The following TRIM41 variants were observed in gnomAD, a reference collection of about 807,000 sequenced individuals.
TRIM41 encodes the protein tripartite motif containing 41.
TRIM41 carries 21 observed loss-of-function variants against 60.6 expected under a neutral mutation model. The ratio of observed to expected loss-of-function variants is 0.35; its 90% confidence interval spans 0.25 to 0.50. The LOEUF is 0.50. Ranked by LOEUF, TRIM41 falls within the 20% of genes least tolerant of loss-of-function variation. TRIM41 has a pLI of 0.98. For missense variants in TRIM41, 846 were observed against 868.3 expected, an observed-to-expected ratio of 0.97 and a Z score of 0.32; for synonymous variants, 407 against 344.9, an observed-to-expected ratio of 1.18 and a Z score of -2.00.
Position 181,233,171 on chromosome 5 carries a change from G to C in TRIM41, c.1141-242G>C, listed in dbSNP as rs182050690. 19 of 713,774 alleles carry C rather than the reference G, an allele frequency of 2.7e-5. No individual in the cohort carries two copies. The East Asian group carries it at 4.6e-4, about 17-fold the overall frequency. 44.2% of individuals were successfully genotyped at this position (713,774 alleles called of 1,614,324 possible). A position where few individuals can be genotyped will look rare whatever the true frequency, so the allele number is the denominator to read the frequency against. On this transcript the variant is annotated intron_variant, in intron 3 of 5. Transcript: ENST00000315073. The surrounding 1 kb of genome is among the most constrained non-coding windows in gnomAD (Gnocchi z 4.1). ...GACAGTGACATCCTGAAAAAGGTGA[G>C]CAAGTCGTATTGTGGAAATGACAGT...
chr5:181,231,205 C>T, intron 2 of TRIM41: 1 of 281,934 alleles, frequency 3.5e-6, no homozygotes. Context: ...CTGGGCAGAG[C>T]AGCCCTAAGC....
At chr5:181,228,727 G>A (rs1758660077) in intron 1 of TRIM41, 1 of 151,046 alleles carries the variant, frequency 6.6e-6, no homozygotes, top group Admixed American at 6.6e-5. Flanking sequence ...TTGAGGGCAG[G>A]AGTTAAGACC....
chr5:181,223,355 G>T lies in TRIM41; in HGVS notation c.-645G>T. On this transcript the variant is annotated 5_prime_UTR_variant, in exon 1 of 6. The change abolishes an upstream ATG in the 5' untranslated region. Transcript: ENST00000315073. ...GAGGGTAGGATGGCGTCTGGCCGAT[G>T]CGGTGATAGCACCGAAAGCAGACGG... 1 of 399,920 alleles carries T rather than the reference G, an allele frequency of 2.5e-6. No homozygotes were observed. The highest frequency in any genetic ancestry group is 4.4e-6 in the Non-Finnish European group (1 of 227,000). 24.8% of individuals were successfully genotyped at this position (399,920 alleles called of 1,614,324 possible).
In TRIM41 at chr5:181,234,164, C is replaced by G; in HGVS notation, c.1292-10C>G. ...CAGCCCTGGCGTATTTGTCCTCCCTCCCTCCCAAGTGGACCTGACGCTGGA... is the reference window on the plus strand; with the variant it reads ...CAGCCCTGGCGTATTTGTCCTCCCTGCCTCCCAAGTGGACCTGACGCTGGA... On this transcript the variant is annotated splice_polypyrimidine_tract_variant and intron_variant, in intron 5 of 5. Coordinates refer to ENST00000315073, the MANE Select transcript of TRIM41 (RefSeq NM_033549.5). This position sits in a 1 kb window ranked among gnomAD's most constrained non-coding sequence, Gnocchi z 5.6. 5 of 1,608,236 alleles carry G rather than the reference C, an allele frequency of 3.1e-6. No individual in the cohort carries two copies. Among genetic ancestry groups the G allele is most frequent in the South Asian group, 1.1e-5 (1 of 91,080 alleles).
At chr5:181,230,935 G>A (rs1265654619) in intron 2 of TRIM41, 96 bp downstream of exon 2, 7 of 1,093,714 alleles carry the variant, frequency 6.4e-6, no homozygotes, top group Non-Finnish European at 9.8e-6. Flanking sequence ...GGTCCCCTGA[G>A]GAGGGGACAG....
At chr5:181,231,516 C>A in intron 2 of TRIM41, 1 of 153,110 alleles carries the variant, frequency 6.5e-6, no homozygotes, top group Non-Finnish European at 1.5e-5. Context: ...AAGCCAGGAC[C>A]TCCCCTTCTG....
At position 181,233,764 on chromosome 5, in the gene TRIM41, G is replaced by T; in HGVS notation, c.1291+1G>T. 1 of 1,614,218 alleles carries T rather than the reference G, an allele frequency of 6.2e-7. No individual in the cohort carries two copies. Among genetic ancestry groups the T allele is most frequent in the East Asian group, 2.2e-5 (1 of 44,878 alleles). On this transcript the variant is annotated splice_donor_variant, in intron 5 of 5. Transcript: ENST00000315073. LOFTEE classifies it high-confidence loss of function. The surrounding 1 kb of genome is among the most constrained non-coding windows in gnomAD (Gnocchi z 4.1). ...CGGATGTTCTGTCAGGCTGCGAGAG[G>T]TAGGGAGGTCACCTCCACGACCTTC...
chr5:181,223,295 C>T lies in TRIM41; in HGVS notation c.-705C>T, dbSNP rs1339790494. The stretch of plus-strand genomic sequence containing the variant: ...CCCACCCCCTCGCTTCCGGCATCGG[C>T]TGTGGGGAGTACCGGCTGCAGTCGG... On this transcript the variant is annotated 5_prime_UTR_variant, in exon 1 of 6. Coordinates refer to ENST00000315073, the MANE Select transcript of TRIM41 (RefSeq NM_033549.5). 1 of 399,020 alleles carries T rather than the reference C, an allele frequency of 2.5e-6. No homozygotes were observed. Among genetic ancestry groups the T allele is most frequent in the Non-Finnish European group, 4.4e-6 (1 of 226,442 alleles). The allele number at this position is 399,020 out of a possible 1,614,324, so 24.7% of individuals were successfully genotyped here.
At position 181,235,125 on chromosome 5, in the gene TRIM41, T is replaced by TC. The variant is rs1759038797; in HGVS notation, c.*354dup. On this transcript the variant is annotated 3_prime_UTR_variant, in exon 6 of 6. Coordinates refer to ENST00000315073, the MANE Select transcript of TRIM41 (RefSeq NM_033549.5). ...GTAATTTCATTCCTTAACTTCCTTT[T>TC]CCCCACCCCTGCTCTTCAACCTCTT... 2.5e-6 allele frequency: 4 copies of TC among 1,575,814 alleles called. No homozygotes were observed. The South Asian group carries it at 4.6e-5, about 18-fold the overall frequency.
Position 181,233,735 on chromosome 5 carries a change from G to A in TRIM41, c.1263G>A (p.Met421Ile). The A allele has an allele frequency of 6.2e-7, 1 of 1,614,184 alleles. No homozygotes were observed. Among genetic ancestry groups the A allele is most frequent in the Non-Finnish European group, 8.5e-7 (1 of 1,180,038 alleles). The change falls in exon 5 of 6, where the codon ATG becomes ATA. Residue 421 changes from methionine (M) to isoleucine (I), a missense_variant. By Grantham distance (10) the Met-to-Ile change is conservative. Transcript: ENST00000315073. The surrounding 1 kb of genome is among the most constrained non-coding windows in gnomAD (Gnocchi z 4.1). ...DFLTDAIVRK[M>I]SRMFCQAARV... ...TGACAGATGCCATCGTGAGGAAAAT[G>A]AGCCGGATGTTCTGTCAGGCTGCGA...
At chr5:181,226,502 T>A (rs1410728353) in intron 1 of TRIM41, 1 of 152,158 alleles carries the variant, frequency 6.6e-6, no homozygotes, top group African/African-American at 2.4e-5. Flanking sequence ...AATCAGTGAG[T>A]AGGAGAATAT....
Position 181,230,732 on chromosome 5 carries a change from C to A in TRIM41, c.814-12C>A. The stretch of plus-strand genomic sequence containing the variant: ...TCTCCCAGCCCCCACTTTTCTTTTT[C>A]TGTTTCCTCAGGCCAAACTGCAGGG... On this transcript the variant is annotated splice_polypyrimidine_tract_variant and intron_variant, in intron 1 of 5. Coordinates refer to ENST00000315073, the MANE Select transcript of TRIM41 (RefSeq NM_033549.5). The A allele has an allele frequency of 6.2e-7, 1 of 1,611,486 alleles. No homozygotes were observed.
chr5:181,233,769 G>A lies in TRIM41; in HGVS notation c.1291+6G>A, dbSNP rs780459918. 2 of 1,614,080 alleles carry A rather than the reference G, an allele frequency of 1.2e-6. No homozygotes were observed. The highest frequency in any genetic ancestry group is 4.5e-5 in the East Asian group (2 of 44,888). ...GTTCTGTCAGGCTGCGAGAGGTAGG[G>A]AGGTCACCTCCACGACCTTCCTTTG... is the stretch of plus-strand genomic sequence containing the variant. On this transcript the variant is annotated splice_donor_region_variant and intron_variant, in intron 5 of 5. Coordinates refer to ENST00000315073, the MANE Select transcript of TRIM41 (RefSeq NM_033549.5). The surrounding 1 kb of genome is among the most constrained non-coding windows in gnomAD (Gnocchi z 4.1).
Position 181,233,738 on chromosome 5 carries a change from C to T in TRIM41, c.1266C>T (p.Ser422=). ...CAGATGCCATCGTGAGGAAAATGAG[C>T]CGGATGTTCTGTCAGGCTGCGAGAG... is the stretch of plus-strand genomic sequence containing the variant. The part of the protein sequence containing the change: ...FLTDAIVRKM[S]RMFCQAARVD... The change falls in exon 5 of 6, where the codon AGC becomes AGT. Residue 422 remains serine, a synonymous_variant. Coordinates refer to ENST00000315073, the MANE Select transcript of TRIM41 (RefSeq NM_033549.5). This position sits in a 1 kb window ranked among gnomAD's most constrained non-coding sequence, Gnocchi z 4.1. 1.2e-6 allele frequency: 2 copies of T among 1,614,218 alleles called. No homozygotes were observed. Among genetic ancestry groups the T allele is most frequent in the South Asian group, 1.1e-5 (1 of 91,084 alleles).
Position 181,232,651 on chromosome 5 carries a change from C to G in TRIM41, c.910-8C>G. 1.2e-6 allele frequency: 2 copies of G among 1,612,320 alleles called. No homozygotes were observed. Among genetic ancestry groups the G allele is most frequent in the Non-Finnish European group, 1.7e-6 (2 of 1,179,416 alleles). On this transcript the variant is annotated splice_region_variant and splice_polypyrimidine_tract_variant and intron_variant, in intron 2 of 5. Transcript: ENST00000315073. ...GTGGTGTCTGCCATCCCCTTTGCAC[C>G]ATTCCAGAGCCAGATGAAGTCAGAG...
rs1758887710 is a variant in TRIM41, at chr5:181,233,250, G to A, written c.1141-163G>A. The stretch of plus-strand genomic sequence containing the variant: ...AGTTAGGTATGGCGAGGCATGGGGT[G>A]GTTGAAATGGATGTGTGTTCATTGA... On this transcript the variant is annotated intron_variant, in intron 3 of 5. Transcript: ENST00000315073. The surrounding 1 kb of genome is among the most constrained non-coding windows in gnomAD (Gnocchi z 4.1). 4.9e-6 allele frequency: 4 copies of A among 808,692 alleles called. No homozygotes were observed. Among genetic ancestry groups the A allele is most frequent in the Admixed American group, 1.8e-5 (1 of 56,962 alleles). 50.1% of individuals were successfully genotyped at this position (808,692 alleles called of 1,614,324 possible).
intron 1 of TRIM41, chr5:181,230,358 G>C (rs183300422): frequency 6.2e-6 from 1 of 161,088 alleles, no homozygotes; most frequent in South Asian, 1.6e-4. Context: ...TTAGCCAGGC[G>C]TGGTGGTGGG....
intron 1 of TRIM41, chr5:181,227,371 A>G (rs2113156298): frequency 6.6e-6 from 1 of 151,118 alleles, no homozygotes; most frequent in South Asian, 2.1e-4. Flanking sequence ...TTTTTTTGAG[A>G]TGGAGTCTCG....
intron 1 of TRIM41, chr5:181,230,363 G>C (rs571491157): frequency 6.2e-6 from 1 of 162,236 alleles, no homozygotes; most frequent in Admixed American, 6.1e-5. Context: ...CAGGCGTGGT[G>C]GTGGGCACCT....
Sources: allele counts gnomAD v4.1 joint callset, GRCh38; gene constraint gnomAD v4.1.1; non-coding constraint Gnocchi (gnomAD v3.1); transcripts MANE v1.5; gene names NCBI Gene and HGNC (gene_info 2026-07-23, HGNC 2026-07-21).